The following MYO9A variants were observed in gnomAD, a reference collection of about 807,000 sequenced individuals.
The protein encoded by MYO9A is myosin IXA, also known as unconventional myosin-IXa.
In MYO9A, 103 loss-of-function variants were observed where a neutral mutation model predicts 293.3. The ratio of observed to expected loss-of-function variants is 0.35; its 90% CI spans 0.30 to 0.41. MYO9A has a LOEUF of 0.41. Ranked by LOEUF, MYO9A falls within the 10% of genes least tolerant of loss-of-function variation. The pLI, the probability that MYO9A is intolerant of heterozygous loss-of-function variation, is 1.00. For synonymous variants in MYO9A, 1,001 were observed against 1,035.7 expected (o/e 0.97, Z 0.64); for missense variants, 2,685 against 3,033.0 (o/e 0.89, Z 2.69).
At chr15:72,072,432 A>G (rs1186183287) in intron 1 of MYO9A, among the ~76,000 whole-genome samples, 1 of 152,184 alleles carries the variant, frequency 6.6e-6, no homozygotes, top group African/African-American at 2.4e-5. Flanking sequence ...CGTCCAGCCA[A>G]AAGATACCTA....
intron 2 of MYO9A, among the ~76,000 whole-genome samples, chr15:72,044,753 T>C (rs368207373): frequency 1.4e-4 from 21 of 152,378 alleles, no homozygotes; most frequent in South Asian, 1.2e-3. Context: ...GCACAGCTGT[T>C]AAGCTTGCAG....
chr15:71,897,582 T>G lies in MYO9A; in HGVS notation c.4921A>C (p.Ile1641Leu), dbSNP rs1024479914. 6.2e-7 allele frequency: 1 copy of G among 1,614,042 alleles called. No individual in the cohort carries two copies. Among genetic ancestry groups the G allele is most frequent in the Non-Finnish European group, 8.5e-7 (1 of 1,180,030 alleles). Reference protein sequence around the residue: ...NVACKLSNNRISKREHFRPTQ... With the variant: ...NVACKLSNNRLSKREHFRPTQ... ...GGCCTAAAGTGTTCTCTTTTTGAAA[T>G]GCGATTATTTGAGAGTTTACAGGCT... Residue 1641 changes from isoleucine (I) to leucine (L), a missense_variant, in exon 25 of 42, where the codon ATT becomes CTT. Around this residue, in one of 10 missense-constraint regions of MYO9A, gnomAD observed 1,434 missense variants for 1,497.7 expected, o/e 0.96. Coordinates refer to ENST00000356056, the MANE Select transcript of MYO9A (RefSeq NM_006901.4).
chr15:72,015,900 G>A (rs1182585139), intron 6 of MYO9A, among the ~76,000 whole-genome samples: 1 of 151,910 alleles, frequency 6.6e-6, no homozygotes, highest in Admixed American at 6.6e-5. Flanking sequence ...GTGTTAGCCA[G>A]GATGGTCTCA....
At chr15:72,059,855 A>G (rs974487401) in intron 1 of MYO9A, among the ~76,000 whole-genome samples, 16 of 152,198 alleles carry the variant, frequency 1.1e-4, no homozygotes, top group African/African-American at 3.9e-4. Context: ...TTTAAACTGC[A>G]TTTTAAAAAT....
chr15:71,990,955 ATTC>A (rs1444638393), intron 11 of MYO9A, 145 bp downstream of exon 11: 1 of 772,500 alleles, frequency 1.3e-6, no homozygotes, highest in Admixed American at 4.0e-5. Context: ...TACTTCGGTT[ATTC>A]TTGTTTGTAA....
intron 34 of MYO9A, among the ~76,000 whole-genome samples, chr15:71,855,603 T>C (rs1040385470): frequency 2.0e-5 from 3 of 152,176 alleles, no homozygotes; most frequent in Admixed American, 6.5e-5. Context: ...TCCTGTACCA[T>C]TGTCCTTCCC....
chr15:71,951,851 C>T lies in MYO9A; in HGVS notation c.2228G>A (p.Ser743Asn). Reference sequence around the variant, plus strand: ...GACTGGGTGTTGGAGAAAGCTAAAACTATCCATACTTTTCAAAATTGCACA... The same window carrying T: ...GACTGGGTGTTGGAGAAAGCTAAAATTATCCATACTTTTCAAAATTGCACA... Reference protein sequence around the residue: ...APCAILKSMDSFSFLQHPVHQ... With the variant: ...APCAILKSMDNFSFLQHPVHQ... The change falls in exon 15 of 42, where the codon AGT becomes AAT. Residue 743 changes from serine (S) to asparagine (N), a missense_variant. Ser to Asn is a conservative substitution (Grantham distance 46). Around this residue, in one of 10 missense-constraint regions of MYO9A, gnomAD observed 1,434 missense variants for 1,497.7 expected, o/e 0.96. Transcript: ENST00000356056. 1 of 1,612,522 alleles carries T rather than the reference C, an allele frequency of 6.2e-7. No homozygotes were observed. Among genetic ancestry groups the T allele is most frequent in the South Asian group, 1.1e-5 (1 of 90,932 alleles).
At chr15:71,909,982 GATAATA>G (rs1198585915) in intron 19 of MYO9A, among the ~76,000 whole-genome samples, 1 of 151,096 alleles carries the variant, frequency 6.6e-6, no homozygotes, top group Non-Finnish European at 1.5e-5. Flanking sequence ...TCAAAATAAT[GATAATA>G]ATAATACACA....
intron 12 of MYO9A, among the ~76,000 whole-genome samples, chr15:71,972,970 A>C (rs2076052328): frequency 1.3e-5 from 2 of 152,238 alleles, no homozygotes; most frequent in Admixed American, 1.3e-4. Flanking sequence ...TGTTATAAAT[A>C]AATAGCCATA....
At chr15:71,995,903 A>G (rs930131104) in intron 9 of MYO9A, among the ~76,000 whole-genome samples, 2 of 151,478 alleles carry the variant, frequency 1.3e-5, no homozygotes, top group African/African-American at 4.9e-5. Context: ...ATATTGAAGG[A>G]AAAAAAAAGC....
chr15:71,823,298 C>T lies in MYO9A; in HGVS notation c.*3282G>A, dbSNP rs143263417. On this transcript the variant is annotated 3_prime_UTR_variant, in exon 42 of 42. Coordinates refer to ENST00000356056, the MANE Select transcript of MYO9A (RefSeq NM_006901.4). ...ACCTTGCTGGACCACATCTTTTCAGCACATTTCTGTGACCCTCTGTTTTTG... is the reference window on the plus strand; with the variant it reads ...ACCTTGCTGGACCACATCTTTTCAGTACATTTCTGTGACCCTCTGTTTTTG... The T allele has an allele frequency of 1.5e-4, 23 of 152,338 alleles. No homozygotes were observed. The highest frequency in any genetic ancestry group is 5.1e-4 in the African/African-American group (21 of 41,580). The allele number at this position is 152,338 out of a possible 1,614,324, so 9.4% of individuals were successfully genotyped here.
intron 1 of MYO9A, among the ~76,000 whole-genome samples, chr15:72,054,472 G>A (rs1205903943): frequency 3.9e-5 from 6 of 151,914 alleles, no homozygotes; most frequent in African/African-American, 1.2e-4. Context: ...GGAGTTCGAG[G>A]CCAGCCTGGC....
At chr15:72,060,559 T>C (rs529730423) in intron 1 of MYO9A, among the ~76,000 whole-genome samples, 6 of 152,042 alleles carry the variant, frequency 3.9e-5, no homozygotes, top group Non-Finnish European at 8.8e-5. Flanking sequence ...TGTGGGACTT[T>C]GCATTGAAAC....
At position 71,899,929 on chromosome 15, in the gene MYO9A, A is replaced by G. The variant is rs751386071; in HGVS notation, c.3228T>C (p.Ser1076=). ...AGGAAGCTTGGAGAAGAGCAGCTGC[A>G]CTAGCCATAACAAAAGCATCCTTCT... is the stretch of plus-strand genomic sequence containing the variant. ...AVQKDAFVMA[S]AAALLQASWR... is the part of the protein sequence containing the mutation. The change falls in exon 24 of 42, where the codon AGT becomes AGC. Residue 1076 remains serine, a synonymous_variant. Transcript: ENST00000356056. 1 of 1,611,544 alleles carries G rather than the reference A, an allele frequency of 6.2e-7. No homozygotes were observed. Among genetic ancestry groups the G allele is most frequent in the East Asian group, 2.2e-5 (1 of 44,790 alleles).
chr15:71,953,602 T>C (rs1399933102), intron 14 of MYO9A: 1 of 152,242 alleles, frequency 6.6e-6, no homozygotes, highest in Non-Finnish European at 1.5e-5. Flanking sequence ...GCACTGCCAT[T>C]TAAAAATGGG....
At chr15:72,038,961 C>T (rs2149547257) in intron 2 of MYO9A, among the ~76,000 whole-genome samples, 1 of 151,874 alleles carries the variant, frequency 6.6e-6, no homozygotes, top group East Asian at 1.9e-4. Context: ...TATATATTTA[C>T]CTATAAGATA....
chr15:71,841,298 C>T (rs1297988310), intron 39 of MYO9A, among the ~76,000 whole-genome samples: 2 of 152,058 alleles, frequency 1.3e-5, no homozygotes, highest in African/African-American at 4.8e-5. Context: ...ATTGCCTTTT[C>T]TGATTTTAAT....
intron 1 of MYO9A, among the ~76,000 whole-genome samples, chr15:72,074,018 T>C (rs1458455547): frequency 1.3e-5 from 2 of 152,176 alleles, no homozygotes; most frequent in African/African-American, 4.8e-5. Context: ...ACTACTCAAC[T>C]CTTCCTTTGC....
Position 71,968,009 on chromosome 15 carries a change from G to T in MYO9A, c.1961C>A (p.Ala654Asp). The T allele has an allele frequency of 6.2e-7, 1 of 1,609,946 alleles. No homozygotes were observed. The highest frequency in any genetic ancestry group is 8.5e-7 in the Non-Finnish European group (1 of 1,178,564). The stretch of plus-strand genomic sequence containing the variant: ...CTTTACCCCATATTTTACTTTTCCA[G>T]CATAATGTTTTATAATGAAAGCAGG... ...MEPAFIIKHYAGKVKYGVKDF... is the reference protein window; with the variant it reads ...MEPAFIIKHYDGKVKYGVKDF... Residue 654 changes from alanine (A) to aspartate (D), a missense_variant, in exon 13 of 42, where the codon GCT becomes GAT. By Grantham distance (126) the Ala-to-Asp change is moderately radical. This residue lies in a region of MYO9A where 201 missense variants were observed against 245.2 expected (regional missense o/e 0.82). Transcript: ENST00000356056.
Sources: gnomAD v4.1 joint callset for allele counts (sites outside exome capture counted in the v4.1 genomes callset) on GRCh38, gnomAD v4.1.1 for gene constraint, gnomAD v4.1.1 regional missense constraint, MANE v1.5 for transcripts, NCBI Gene and HGNC (gene_info 2026-07-23, HGNC 2026-07-21) for gene names.